SNX18: variants seen among roughly 807,000 people sequenced by gnomAD.
SNX18 encodes sorting nexin 18, also known as sorting nexin-18.
SNX18 carries 35 observed loss-of-function variants against 48.7 expected under a neutral mutation model. The observed-to-expected ratio is 0.72, with a 90% confidence interval of 0.55 to 0.95. The LOEUF is 0.95. Ranked by LOEUF, SNX18 falls within the 40% of genes least tolerant of loss-of-function variation. The probability of loss-of-function intolerance (pLI) is 0.00; values close to 1 mark genes in which losing one functional copy is unlikely to be tolerated. For synonymous variants in SNX18, 492 were observed against 384.7 expected (o/e 1.28, Z -3.26); for missense variants, 824 against 871.0 (o/e 0.95, Z 0.68).
chr5:54,520,318 T>A (rs1316037983), intron 1 of SNX18: 1 of 174,524 alleles, frequency 5.7e-6, no homozygotes, highest in East Asian at 1.8e-4. Flanking sequence ...CATGAGTTAT[T>A]AATAGTTGTT....
At chr5:54,592,414 C>T in the SNX18 span, among the ~76,000 whole-genome samples, 2 of 152,324 alleles carry the variant, frequency 1.3e-5, no homozygotes, top group South Asian at 4.1e-4. Context: ...AAATTGCTCT[C>T]CATTTGTGGA....
the SNX18 span, among the ~76,000 whole-genome samples, chr5:54,582,182 T>G: frequency 2.0e-5 from 3 of 152,210 alleles, no homozygotes; most frequent in Non-Finnish European, 4.4e-5. Context: ...GGTCATTTTG[T>G]TAGAAATTAA....
At chr5:54,644,450 A>G in the SNX18 span, 1 of 152,212 alleles carries the variant, frequency 6.6e-6, no homozygotes, top group Non-Finnish European at 1.5e-5. Context: ...ATCCACAACA[A>G]TCTCATCTGA....
At chr5:54,642,382 G>T in the SNX18 span, among the ~76,000 whole-genome samples, 100 of 146,062 alleles carry the variant, frequency 6.8e-4, no homozygotes, top group Non-Finnish European at 1.2e-3. Context: ...GTTATGTTGG[G>T]TTTTTTTTTT....
intron 1 of SNX18, among the ~76,000 whole-genome samples, chr5:54,530,722 A>T (rs1762238294): frequency 7.0e-6 from 1 of 143,750 alleles, no homozygotes; most frequent in African/African-American, 2.6e-5. Flanking sequence ...CCCATTTTGC[A>T]GACAGGAGCT....
chr5:54,647,250 A>T, the SNX18 span, among the ~76,000 whole-genome samples: 1 of 152,244 alleles, frequency 6.6e-6, no homozygotes, highest in Admixed American at 6.5e-5. Context: ...GCAACAGTTA[A>T]AACGCAGGAA....
the SNX18 span, among the ~76,000 whole-genome samples, chr5:54,576,798 T>TTTGTTTGTTTGC: frequency 3.8e-4 from 57 of 148,376 alleles, no homozygotes; most frequent in East Asian, 6.3e-3. Context: ...TGTTTGTTTG[T>TTTGTTTGTTTGC]TTGCTTGCTT....
At chr5:54,640,586 A>G in the SNX18 span, among the ~76,000 whole-genome samples, 5 of 152,170 alleles carry the variant, frequency 3.3e-5, no homozygotes, top group African/African-American at 1.2e-4. Flanking sequence ...GCAAGAGATC[A>G]TCTGGATAGA....
At chr5:54,550,386 A>G (rs1216486161), downstream of SNX18, among the ~76,000 whole-genome samples, 2 of 152,112 alleles carry the variant, frequency 1.3e-5, no homozygotes, top group Non-Finnish European at 1.5e-5. Flanking sequence ...AGGTGGTCTC[A>G]TAACAAATTT....
At chr5:54,567,396 G>A in the SNX18 span, among the ~76,000 whole-genome samples, 5 of 152,082 alleles carry the variant, frequency 3.3e-5, no homozygotes, top group Non-Finnish European at 7.4e-5. Context: ...CCACAGGAAA[G>A]GCCAATCAGA....
chr5:54,622,335 C>CA, the SNX18 span, among the ~76,000 whole-genome samples: 3 of 151,994 alleles, frequency 2.0e-5, no homozygotes, highest in Non-Finnish European at 4.4e-5. Flanking sequence ...CCCATCTCTA[C>CA]AAAAAATACA....
intron 1 of SNX18, among the ~76,000 whole-genome samples, chr5:54,524,806 G>T (rs1762098761): frequency 6.6e-6 from 1 of 152,210 alleles, no homozygotes; most frequent in African/African-American, 2.4e-5. Flanking sequence ...CTGCAGGAGG[G>T]CTGGGTAGGC....
chr5:54,636,058 G>C, the SNX18 span, among the ~76,000 whole-genome samples: 22 of 152,252 alleles, frequency 1.4e-4, no homozygotes, highest in East Asian at 1.4e-3. Context: ...GCTGACTGGG[G>C]CAAACACCAG....
the SNX18 span, among the ~76,000 whole-genome samples, chr5:54,640,551 C>T: frequency 3.9e-5 from 6 of 152,036 alleles, no homozygotes; most frequent in South Asian, 1.2e-3. Context: ...ACGCTCTGGC[C>T]TACAAGACGA....
At chr5:54,588,079 T>C in the SNX18 span, among the ~76,000 whole-genome samples, 2 of 152,252 alleles carry the variant, frequency 1.3e-5, no homozygotes, top group East Asian at 3.9e-4. Context: ...CAAGGAAATC[T>C]GGATTTCTGA....
At chr5:54,529,027 G>A (rs1762201296) in intron 1 of SNX18, among the ~76,000 whole-genome samples, 1 of 152,152 alleles carries the variant, frequency 6.6e-6, no homozygotes, top group Non-Finnish European at 1.5e-5. Context: ...AGGTGATAGC[G>A]GAAACACGGA....
downstream of SNX18, among the ~76,000 whole-genome samples, chr5:54,550,646 C>A (rs964616434): frequency 2.0e-5 from 3 of 152,080 alleles, no homozygotes; most frequent in African/African-American, 7.2e-5. Context: ...TGCAGTGGTG[C>A]GATCTTAGCT....
the SNX18 span, among the ~76,000 whole-genome samples, chr5:54,634,039 G>C: frequency 6.6e-6 from 1 of 152,148 alleles, no homozygotes; most frequent in Non-Finnish European, 1.5e-5. Flanking sequence ...CAACAGCCCT[G>C]AGCAAAATGT....
At chr5:54,643,010 G>T in the SNX18 span, among the ~76,000 whole-genome samples, 2 of 152,106 alleles carry the variant, frequency 1.3e-5, no homozygotes, top group Non-Finnish European at 2.9e-5. Flanking sequence ...TTATGATTTG[G>T]TATCTTATAG....
Sources: allele counts gnomAD v4.1 joint callset (sites outside exome capture counted in the v4.1 genomes callset), GRCh38; gene constraint gnomAD v4.1.1; transcripts MANE v1.5; gene names NCBI Gene and HGNC (gene_info 2026-07-23, HGNC 2026-07-21).